The following LPCAT1 variants were observed in gnomAD, a reference collection of about 807,000 sequenced individuals.
The protein encoded by LPCAT1 is lysophosphatidylcholine acyltransferase 1.
LPCAT1 carries 23 observed loss-of-function variants against 60.9 expected under a neutral mutation model. The observed-to-expected ratio is 0.38, with a 90% CI of 0.27 to 0.53. The LOEUF (loss-of-function observed/expected upper bound fraction) is 0.53. Ranked by LOEUF, LPCAT1 falls within the 20% of genes least tolerant of loss-of-function variation. LPCAT1 has a pLI of 0.82. For synonymous variants in LPCAT1, 340 were observed against 301.1 expected (o/e 1.13, Z -1.34); for missense variants, 622 against 723.6 (o/e 0.86, Z 1.61).
At chr5:1,498,792 A>G (rs560344068) in intron 2 of LPCAT1, among the ~76,000 whole-genome samples, 1 of 151,966 alleles carries the variant, frequency 6.6e-6, no homozygotes, top group South Asian at 2.1e-4. Flanking sequence ...GCACACACAT[A>G]TACACATGTA....
At position 1,464,970 on chromosome 5, in the gene LPCAT1, G is replaced by A. The variant is rs192374016; in HGVS notation, c.1421-1135C>T. On this transcript the variant is annotated intron_variant, in intron 13 of 13. Coordinates refer to ENST00000283415, the MANE Select transcript of LPCAT1 (RefSeq NM_024830.5). ...ACACATGGTAACTACACACATGCAC[G>A]CACACATACAAAACAAGTGCAGGCA... is the stretch of plus-strand genomic sequence containing the variant. 2.2e-3 allele frequency among the ~76,000 whole-genome samples: 319 copies of A among 144,310 alleles called. 1 individual carries two copies. The highest frequency in any genetic ancestry group is 6.8e-3 in the African/African-American group (261 of 38,394). 94.7% of individuals were successfully genotyped at this position (144,310 alleles called of 152,430 possible).
At chr5:1,469,037 G>A (rs546925053) in intron 12 of LPCAT1, among the ~76,000 whole-genome samples, 1 of 152,388 alleles carries the variant, frequency 6.6e-6, no homozygotes, top group Admixed American at 6.5e-5. Flanking sequence ...TGGGGAAGCA[G>A]CCTGCAAGAA....
chr5:1,505,217 C>A (rs1736145067), intron 1 of LPCAT1, among the ~76,000 whole-genome samples: 1 of 151,190 alleles, frequency 6.6e-6, no homozygotes, highest in Non-Finnish European at 1.5e-5. Context: ...TGAAACAGCA[C>A]CGACTACAAC....
chr5:1,483,502 C>T lies in LPCAT1; in HGVS notation c.668-16G>A, dbSNP rs527730693. The T allele has an allele frequency of 2.5e-6, 4 of 1,613,310 alleles. No individual in the cohort carries two copies. The highest frequency in any genetic ancestry group is 2.7e-5 in the African/African-American group (2 of 74,934). ...ATGAATGCACCTGCCGAGAAAGGAA[C>T]AGCGGTGTTGCCCATGGCAGCCCAC... On this transcript the variant is annotated splice_polypyrimidine_tract_variant and intron_variant, in intron 5 of 13. Coordinates refer to ENST00000283415, the MANE Select transcript of LPCAT1 (RefSeq NM_024830.5). This position sits in a 1 kb window ranked among gnomAD's most constrained non-coding sequence, Gnocchi z 9.2.
intron 1 of LPCAT1, among the ~76,000 whole-genome samples, chr5:1,507,708 C>T (rs200923376): frequency 3.3e-5 from 5 of 152,200 alleles, no homozygotes; most frequent in Admixed American, 6.5e-5. Flanking sequence ...GTCCTGAGGG[C>T]TGGCTCGAGG....
rs1439523425 is a variant in LPCAT1 at position 1,476,231 on chromosome 5, T to C, written c.899+1173A>G. On this transcript the variant is annotated intron_variant, in intron 9 of 13. Coordinates refer to ENST00000283415, the MANE Select transcript of LPCAT1 (RefSeq NM_024830.5). The surrounding 1 kb of genome is among the most constrained non-coding windows in gnomAD (Gnocchi z 8.6). The stretch of plus-strand genomic sequence containing the variant: ...TATTGGCAGCAGTCCGGAGCACAGG[T>C]GCTGGGCTTGGAGGTGGGAATGCAT... Among the ~76,000 whole-genome samples, 3 of 152,178 alleles carry C rather than the reference T, an allele frequency of 2.0e-5. No individual in the cohort carries two copies. The highest frequency in any genetic ancestry group is 7.2e-5 in the African/African-American group (3 of 41,454).
At chr5:1,479,831 C>T (rs1560962281) in intron 7 of LPCAT1, among the ~76,000 whole-genome samples, 156 bp from the exon 8 acceptor site, 1 of 152,144 alleles carries the variant, frequency 6.6e-6, no homozygotes, top group Admixed American at 6.5e-5. Context: ...CCACCCAGCC[C>T]GAGCCCCAGT....
chr5:1,520,468 C>T (rs1449852181), intron 1 of LPCAT1, among the ~76,000 whole-genome samples: 1 of 152,156 alleles, frequency 6.6e-6, no homozygotes, highest in Non-Finnish European at 1.5e-5. Flanking sequence ...ACAGCAACGC[C>T]CGTCCAAGGA....
chr5:1,465,578 T>G (rs1467558271), intron 13 of LPCAT1, among the ~76,000 whole-genome samples: 1 of 142,660 alleles, frequency 7.0e-6, no homozygotes, highest in Non-Finnish European at 1.5e-5. Context: ...CACACACAAG[T>G]GCACGCACAC....
chr5:1,507,768 G>A (rs762821542), intron 1 of LPCAT1, among the ~76,000 whole-genome samples: 1 of 152,226 alleles, frequency 6.6e-6, no homozygotes, highest in African/African-American at 2.4e-5. Context: ...AGCCAATGCC[G>A]AGCCTGGTGC....
In LPCAT1 at chr5:1,502,576, G is replaced by A. The variant is rs1736057812; in HGVS notation, c.136-973C>T. Among the ~76,000 whole-genome samples the A allele has an allele frequency of 6.6e-6, 1 of 152,188 alleles. No individual in the cohort carries two copies. The highest frequency in any genetic ancestry group is 1.5e-5 in the Non-Finnish European group (1 of 68,024). On this transcript the variant is annotated intron_variant, in intron 1 of 13. Transcript: ENST00000283415. This position sits in a 1 kb window ranked among gnomAD's most constrained non-coding sequence, Gnocchi z 5.5. ...CACGCCAGGGAAGGCCGAGGCTGCG[G>A]GATCCCAGGCAGCCCAGGGTCTGAG...
At chr5:1,513,636 C>A (rs115233091) in intron 1 of LPCAT1, among the ~76,000 whole-genome samples, 1 of 151,942 alleles carries the variant, frequency 6.6e-6, no homozygotes, top group East Asian at 1.9e-4. Flanking sequence ...GGGCAGGACA[C>A]CCTGCGATTA....
At chr5:1,516,341 C>G (rs1579817358) in intron 1 of LPCAT1, among the ~76,000 whole-genome samples, 3 of 152,332 alleles carry the variant, frequency 2.0e-5, no homozygotes, top group Admixed American at 2.0e-4. Flanking sequence ...ACATGGCACA[C>G]AGGTGACCAT....
At position 1,496,264 on chromosome 5, in the gene LPCAT1, G is replaced by C. The variant is rs967390369; in HGVS notation, c.279-1350C>G. 6.6e-6 allele frequency among the ~76,000 whole-genome samples: 1 copy of C among 152,124 alleles called. No homozygotes were observed. The highest frequency in any genetic ancestry group is 6.5e-5 in the Admixed American group (1 of 15,272). On this transcript the variant is annotated intron_variant, in intron 2 of 13. Coordinates refer to ENST00000283415, the MANE Select transcript of LPCAT1 (RefSeq NM_024830.5). This position sits in a 1 kb window ranked among gnomAD's most constrained non-coding sequence, Gnocchi z 4.7. ...TAATCCCAGCCACTCAGGAGGCTGA[G>C]GCAGGAGAACTGCTTGAACCCAAGG...
intron 1 of LPCAT1, among the ~76,000 whole-genome samples, chr5:1,505,299 T>C (rs1299017632): frequency 6.8e-6 from 1 of 147,376 alleles, no homozygotes; most frequent in African/African-American, 2.6e-5. Context: ...ACTGCAACAC[T>C]GCTTCCACCA....
chr5:1,508,332 A>G (rs572241679), intron 1 of LPCAT1, among the ~76,000 whole-genome samples: 4 of 152,274 alleles, frequency 2.6e-5, no homozygotes, highest in African/African-American at 9.6e-5. Flanking sequence ...ATTCCTGTTG[A>G]TGTCCTGACC....
intron 8 of LPCAT1, among the ~76,000 whole-genome samples, chr5:1,478,603 G>A (rs535574707): frequency 1.1e-4 from 16 of 152,370 alleles, no homozygotes; most frequent in South Asian, 6.2e-4. Context: ...GGGAACTGCC[G>A]CCCTCAGGCC....
chr5:1,488,131 A>C (rs1735440661), intron 5 of LPCAT1, among the ~76,000 whole-genome samples: 1 of 152,182 alleles, frequency 6.6e-6, no homozygotes, highest in Admixed American at 6.5e-5. Context: ...CTGGACCTCA[A>C]AACAGAGGCA....
intron 1 of LPCAT1, among the ~76,000 whole-genome samples, chr5:1,512,438 C>T (rs572424302): frequency 9.8e-5 from 15 of 152,338 alleles, no homozygotes; most frequent in Admixed American, 5.9e-4. Context: ...CCATGCTTCC[C>T]GTAGAATCAA....
Sources: allele counts gnomAD v4.1 joint callset (sites outside exome capture counted in the v4.1 genomes callset), GRCh38; gene constraint gnomAD v4.1.1; non-coding constraint Gnocchi (gnomAD v3.1); transcripts MANE v1.5; gene names NCBI Gene and HGNC (gene_info 2026-07-23, HGNC 2026-07-21).